The following UBE2G1 variants were observed in gnomAD, a reference collection of about 807,000 sequenced individuals.
The protein encoded by UBE2G1 is ubiquitin-conjugating enzyme E2 G1.
In UBE2G1, 5 loss-of-function variants were observed where a neutral mutation model predicts 22.7. The ratio of observed to expected loss-of-function variants is 0.22; its 90% CI spans 0.12 to 0.46. UBE2G1 has a LOEUF of 0.46. Ranked by LOEUF, UBE2G1 falls within the 20% of genes least tolerant of loss-of-function variation. The pLI is 0.99. For missense variants in UBE2G1, 88 were observed against 203.9 expected (o/e 0.43, Z 3.46); for synonymous variants, 74 against 67.5 (o/e 1.10, Z -0.47).
intron 1 of UBE2G1, among the ~76,000 whole-genome samples, chr17:4,349,759 C>T (rs1388923918): frequency 6.6e-6 from 1 of 151,306 alleles, no homozygotes; most frequent in African/African-American, 2.4e-5. Flanking sequence ...AGAAGAATGG[C>T]ATGAACCCGG....
At chr17:4,281,415 G>A (rs1376997367) in intron 5 of UBE2G1, among the ~76,000 whole-genome samples, 1 of 152,172 alleles carries the variant, frequency 6.6e-6, no homozygotes, top group Non-Finnish European at 1.5e-5. Context: ...AGGGACAGAA[G>A]AAAGCAGCGG....
At chr17:4,290,568 C>A (rs1438434813) in intron 3 of UBE2G1, among the ~76,000 whole-genome samples, 3 of 151,892 alleles carry the variant, frequency 2.0e-5, no homozygotes. Flanking sequence ...ACCTCCCAGG[C>A]TCAAACGATC....
In UBE2G1 at chr17:4,366,568, T is replaced by C; in HGVS notation, c.-252A>G. The C allele has an allele frequency of 2.6e-6, 1 of 389,252 alleles. No homozygotes were observed. The highest frequency in any genetic ancestry group is 6.7e-4 in the Middle Eastern group (1 of 1,486). The allele number at this position is 389,252 out of a possible 1,614,324, so 24.1% of individuals were successfully genotyped here. On this transcript the variant is annotated 5_prime_UTR_variant, in exon 1 of 6. Transcript: ENST00000396981. Reference sequence around the variant, plus strand: ...GGGCTGCCGCGGCGCGCACTGGGACTTCGCTCGCCCGCTTCCCTCCTTCAA... The same window carrying C: ...GGGCTGCCGCGGCGCGCACTGGGACCTCGCTCGCCCGCTTCCCTCCTTCAA...
chr17:4,343,472 C>G (rs904445046), intron 1 of UBE2G1, among the ~76,000 whole-genome samples: 1 of 152,058 alleles, frequency 6.6e-6, no homozygotes, highest in Non-Finnish European at 1.5e-5. Flanking sequence ...ACACTGGACT[C>G]CAGCCTGGAT....
At chr17:4,339,885 A>G (rs1399167647) in intron 1 of UBE2G1, among the ~76,000 whole-genome samples, 1 of 152,078 alleles carries the variant, frequency 6.6e-6, no homozygotes, top group Non-Finnish European at 1.5e-5. Context: ...TTTTCCTAAA[A>G]TAACAATAAA....
Position 4,332,352 on chromosome 17 carries a change from G to C in UBE2G1, c.47-25229C>G, listed in dbSNP as rs1244244874. ...CTAACAGAAACAAAAAATAAAATAG[G>C]GTTATTGTTGGTGAAGCTTTCATTT... On this transcript the variant is annotated intron_variant, in intron 1 of 5. Transcript: ENST00000396981. 2.0e-5 allele frequency among the ~76,000 whole-genome samples: 3 copies of C among 152,036 alleles called. No individual in the cohort carries two copies. In the South Asian group the frequency reaches 6.2e-4, roughly 31 times the overall value.
intron 1 of UBE2G1, among the ~76,000 whole-genome samples, chr17:4,363,097 G>A (rs1347818539): frequency 6.6e-6 from 1 of 152,016 alleles, no homozygotes; most frequent in South Asian, 2.1e-4. Flanking sequence ...CCCCAGTTTG[G>A]GCAACAAAGT....
chr17:4,362,220 T>C (rs905585908), intron 1 of UBE2G1, among the ~76,000 whole-genome samples: 3 of 152,178 alleles, frequency 2.0e-5, no homozygotes, highest in Non-Finnish European at 4.4e-5. Flanking sequence ...TCTAATAATA[T>C]CCACAGAGAA....
At chr17:4,301,893 C>T (rs1019291438) in intron 2 of UBE2G1, 6 of 492,778 alleles carry the variant, frequency 1.2e-5, no homozygotes, top group African/African-American at 7.9e-5. Context: ...ATTGAAGCTT[C>T]GTGGGGTTCT....
intron 1 of UBE2G1, chr17:4,345,747 C>G (rs1969761709): frequency 6.6e-6 from 1 of 152,168 alleles, no homozygotes; most frequent in Non-Finnish European, 1.5e-5. Flanking sequence ...CTACACAATT[C>G]TCATCTTACA....
Position 4,296,870 on chromosome 17 carries a change from G to C in UBE2G1, c.150-56C>G, listed in dbSNP as rs957092534. The stretch of plus-strand genomic sequence containing the variant: ...CTATAAGTTCCTGCTTTTAAGTATA[G>C]AAGTGTTAAAACAAATATAAAACAA... On this transcript the variant is annotated intron_variant, in intron 2 of 5. Transcript: ENST00000396981. 5 of 1,474,728 alleles carry C rather than the reference G, an allele frequency of 3.4e-6. No individual in the cohort carries two copies. In the African/African-American group the frequency reaches 5.6e-5, roughly 17 times the overall value. 91.4% of individuals were successfully genotyped at this position (1,474,728 alleles called of 1,614,324 possible). A position where few individuals can be genotyped will look rare whatever the true frequency, so the allele number is the denominator to read the frequency against.
At chr17:4,275,752 A>G (rs1449765793) in intron 5 of UBE2G1, among the ~76,000 whole-genome samples, 1 of 152,208 alleles carries the variant, frequency 6.6e-6, no homozygotes, top group African/African-American at 2.4e-5. Context: ...AAAACAGCCA[A>G]TACCAATTAA....
chr17:4,306,069 T>C (rs1408356838), intron 2 of UBE2G1, among the ~76,000 whole-genome samples: 2 of 152,230 alleles, frequency 1.3e-5, no homozygotes, highest in Non-Finnish European at 2.9e-5. Context: ...TCATAGAGCA[T>C]AACAATAACT....
intron 5 of UBE2G1, among the ~76,000 whole-genome samples, chr17:4,282,108 A>G (rs1308295379): frequency 1.3e-5 from 2 of 152,126 alleles, no homozygotes; most frequent in Non-Finnish European, 2.9e-5. Flanking sequence ...TCTGAGATAG[A>G]GTCTTGCTCT....
Position 4,332,441 on chromosome 17 carries a change from T to G in UBE2G1, c.47-25318A>C, listed in dbSNP as rs530950270. Among the ~76,000 whole-genome samples the G allele has an allele frequency of 2.0e-5, 3 of 152,220 alleles. No individual in the cohort carries two copies. The South Asian group carries it at 6.2e-4, about 31-fold the overall frequency. ...ACTATGGAAAATACCTTCCCTATTG[T>G]ATCTACTCTCAACCCAGCAGGCAGA... On this transcript the variant is annotated intron_variant, in intron 1 of 5. Coordinates refer to ENST00000396981, the MANE Select transcript of UBE2G1 (RefSeq NM_003342.5).
chr17:4,344,289 C>T (rs1969744799), intron 1 of UBE2G1, among the ~76,000 whole-genome samples: 1 of 152,082 alleles, frequency 6.6e-6, no homozygotes, highest in Non-Finnish European at 1.5e-5. Context: ...GCCTGTAATC[C>T]CAGCACTTTG....
chr17:4,315,599 G>A (rs985859748), intron 1 of UBE2G1, among the ~76,000 whole-genome samples: 16 of 151,480 alleles, frequency 1.1e-4, no homozygotes, highest in African/African-American at 3.9e-4. Flanking sequence ...AAATAGCCGG[G>A]CGTGGTGGCG....
intron 1 of UBE2G1, among the ~76,000 whole-genome samples, chr17:4,353,023 C>T (rs986993837): frequency 6.6e-6 from 1 of 152,124 alleles, no homozygotes; most frequent in African/African-American, 2.4e-5. Context: ...TCGAGACCAT[C>T]CTGGCCAACA....
chr17:4,332,729 T>G (rs561681762), intron 1 of UBE2G1, among the ~76,000 whole-genome samples: 3 of 152,332 alleles, frequency 2.0e-5, no homozygotes, highest in Admixed American at 2.0e-4. Flanking sequence ...CTAACCGCTC[T>G]GCCACCTCCC....
Sources: allele counts gnomAD v4.1 joint callset (sites outside exome capture counted in the v4.1 genomes callset), GRCh38; gene constraint gnomAD v4.1.1; transcripts MANE v1.5; gene names NCBI Gene and HGNC (gene_info 2026-07-23, HGNC 2026-07-21).